The following IL1RAPL1 variants were observed in gnomAD, a reference collection of about 807,000 sequenced individuals.
IL1RAPL1 encodes interleukin 1 receptor accessory protein like 1, also known as interleukin-1 receptor accessory protein-like 1.
A neutral mutation model predicts 48.4 loss-of-function variants in IL1RAPL1; 3 were observed. The ratio of observed to expected loss-of-function variants is 0.06; its 90% CI spans 0.03 to 0.16. IL1RAPL1 has a LOEUF of 0.16. Ranked by LOEUF, IL1RAPL1 falls within the 10% of genes least tolerant of loss-of-function variation. IL1RAPL1 has a pLI of 1.00. For missense variants in IL1RAPL1, 349 were observed against 530.6 expected, an observed-to-expected ratio of 0.66 and a Z score of 3.36; for synonymous variants, 185 against 187.7, an observed-to-expected ratio of 0.99 and a Z score of 0.12.
chrX:29,359,600 A>G (rs1344989654), intron 3 of IL1RAPL1, among the ~76,000 whole-genome samples: 2 of 111,760 alleles, frequency 1.8e-5, no homozygotes, highest in African/African-American at 6.5e-5. Context: ...CCCATCATTC[A>G]CTAATAGTGG....
At chrX:29,135,015 T>G (rs1317711936) in intron 2 of IL1RAPL1, among the ~76,000 whole-genome samples, 2 of 112,020 alleles carry the variant, frequency 1.8e-5, no homozygotes, top group Non-Finnish European at 3.8e-5. Context: ...GAGCAATGAC[T>G]TCTTTTTCTA....
intron 2 of IL1RAPL1, among the ~76,000 whole-genome samples, chrX:28,925,927 C>G (rs1196493882): frequency 1.8e-5 from 2 of 111,521 alleles, no homozygotes; most frequent in Non-Finnish European, 3.8e-5. Context: ...CTCACACACA[C>G]ACACGAAAAG....
At chrX:28,734,419 C>T (rs755072004) in intron 1 of IL1RAPL1, among the ~76,000 whole-genome samples, 1 of 111,612 alleles carries the variant, frequency 9.0e-6, no homozygotes, top group Non-Finnish European at 1.9e-5. Context: ...TGACACCTCA[C>T]TGTTTCTGAA....
chrX:29,196,220 C>G (rs1399820879), intron 2 of IL1RAPL1, among the ~76,000 whole-genome samples: 1 of 112,237 alleles, frequency 8.9e-6, no homozygotes, highest in Non-Finnish European at 1.9e-5. Flanking sequence ...GCACTTACAA[C>G]TAATGAGCCT....
At chrX:28,920,531 A>G (rs1228134603) in intron 2 of IL1RAPL1, among the ~76,000 whole-genome samples, 1 of 111,783 alleles carries the variant, frequency 8.9e-6, no homozygotes, top group Non-Finnish European at 1.9e-5. Flanking sequence ...CAGGAAAAAA[A>G]AATAGTCCTA....
At chrX:29,077,441 A>G (rs139595895) in intron 2 of IL1RAPL1, among the ~76,000 whole-genome samples, 26 of 109,863 alleles carry the variant, frequency 2.4e-4, no homozygotes, top group South Asian at 2.0e-3. Flanking sequence ...CATCTCTACT[A>G]AAAATACAAA....
chrX:29,526,090 A>C (rs1200770293), intron 5 of IL1RAPL1, among the ~76,000 whole-genome samples: 1 of 112,260 alleles, frequency 8.9e-6, no homozygotes, highest in Non-Finnish European at 1.9e-5. Context: ...AAAGAAGATA[A>C]AATCAAGGCT....
chrX:29,367,625 T>G (rs1388372958), intron 3 of IL1RAPL1, among the ~76,000 whole-genome samples: 3 of 108,150 alleles, frequency 2.8e-5, no homozygotes, highest in East Asian at 2.9e-4. Context: ...CTGTCACCCA[T>G]GCTGGAGTGC....
At chrX:29,852,374 A>G (rs1487274740) in intron 6 of IL1RAPL1, among the ~76,000 whole-genome samples, 1 of 112,088 alleles carries the variant, frequency 8.9e-6, no homozygotes, top group African/African-American at 3.2e-5. Flanking sequence ...AGTTTACTCA[A>G]TTTGTTCCTC....
At chrX:29,880,203 C>T (rs912722690) in intron 6 of IL1RAPL1, among the ~76,000 whole-genome samples, 5 of 111,314 alleles carry the variant, frequency 4.5e-5, no homozygotes, top group African/African-American at 1.6e-4. Context: ...GCCTTAAAAA[C>T]GAGGGCATGA....
chrX:29,550,471 G>T (rs779881720), intron 5 of IL1RAPL1, among the ~76,000 whole-genome samples: 2 of 111,880 alleles, frequency 1.8e-5, no homozygotes, highest in South Asian at 7.4e-4. Context: ...GAGCCACTGC[G>T]CCCGGCCTAA....
At chrX:29,073,518 A>T (rs1049272899) in intron 2 of IL1RAPL1, among the ~76,000 whole-genome samples, 5 of 111,436 alleles carry the variant, frequency 4.5e-5, no homozygotes, top group African/African-American at 1.6e-4. Flanking sequence ...CTGAGTCCTA[A>T]GACTCTTTTC....
chrX:28,873,051 A>G (rs1922246109), intron 2 of IL1RAPL1, among the ~76,000 whole-genome samples: 1 of 105,202 alleles, frequency 9.5e-6, no homozygotes, highest in Non-Finnish European at 1.9e-5. Context: ...TTGTAGTTAG[A>G]TGGGAATCCT....
intron 6 of IL1RAPL1, among the ~76,000 whole-genome samples, chrX:29,707,678 C>T (rs1348453194): frequency 9.0e-6 from 1 of 111,725 alleles, no homozygotes; most frequent in Non-Finnish European, 1.9e-5. Context: ...AGTGAAGTAA[C>T]TCAGGAATGG....
At chrX:29,756,246 T>C (rs1210811608) in intron 6 of IL1RAPL1, among the ~76,000 whole-genome samples, 1 of 111,948 alleles carries the variant, frequency 8.9e-6, no homozygotes, top group Non-Finnish European at 1.9e-5. Flanking sequence ...CATAGATATA[T>C]ACAGTTAATT....
chrX:29,382,673 TTTTA>T (rs987932415), intron 3 of IL1RAPL1, among the ~76,000 whole-genome samples: 6 of 111,782 alleles, frequency 5.4e-5, no homozygotes, highest in Admixed American at 4.8e-4. Context: ...CTCGTTGCTG[TTTTA>T]TTTATGTATT....
intron 2 of IL1RAPL1, among the ~76,000 whole-genome samples, chrX:29,071,699 G>A (rs754392551): frequency 2.7e-5 from 3 of 111,103 alleles, no homozygotes; most frequent in East Asian, 2.8e-4. Flanking sequence ...ATGCAACCAC[G>A]CCCCTTTTCT....
intron 2 of IL1RAPL1, among the ~76,000 whole-genome samples, chrX:29,261,770 G>T (rs1028399536): frequency 4.5e-5 from 5 of 110,540 alleles, no homozygotes; most frequent in Admixed American, 9.8e-5. Context: ...GTTTCTTTTT[G>T]TTCTTCAGGG....
chrX:28,718,891 CCCA>C (rs1165898800), intron 1 of IL1RAPL1, among the ~76,000 whole-genome samples: 1 of 110,912 alleles, frequency 9.0e-6, no homozygotes, highest in Admixed American at 9.7e-5. Flanking sequence ...CTTATTTGGT[CCCA>C]CCAGTTGGGC....
Sources: allele counts gnomAD v4.1 joint callset (sites outside exome capture counted in the v4.1 genomes callset), GRCh38; gene constraint gnomAD v4.1.1; transcripts MANE v1.5; gene names NCBI Gene and HGNC (gene_info 2026-07-23, HGNC 2026-07-21).